Variants in IPO11 observed in about 807,000 individuals in gnomAD.
IPO11 encodes the protein importin 11, also known as importin-11.
In IPO11, 66 loss-of-function variants were observed where a neutral mutation model predicts 143.2. The observed-to-expected ratio is 0.46, with a 90% CI of 0.38 to 0.57. The LOEUF (loss-of-function observed/expected upper bound fraction) is 0.57. Among genes scored for constraint, IPO11 ranks in the 20% least tolerant of loss-of-function variants. The pLI, the probability that IPO11 is intolerant of heterozygous loss-of-function variation, is 0.00. For missense variants in IPO11, 1,026 were observed against 1,141.0 expected, an observed-to-expected ratio of 0.90 and a Z score of 1.45; for synonymous variants, 385 against 377.8, an observed-to-expected ratio of 1.02 and a Z score of -0.22.
intron 19 of IPO11, among the ~76,000 whole-genome samples, chr5:62,508,715 C>A (rs1445833066): frequency 2.0e-5 from 3 of 149,468 alleles, no homozygotes; most frequent in African/African-American, 7.4e-5. Context: ...TTGACAGTTA[C>A]ATTAGGTATT....
At chr5:62,506,722 T>G (rs1011342494) in intron 19 of IPO11, among the ~76,000 whole-genome samples, 1 of 152,160 alleles carries the variant, frequency 6.6e-6, no homozygotes, top group African/African-American at 2.4e-5. Flanking sequence ...TTAAGTATTT[T>G]TTGCAGTCTG....
At chr5:62,582,822 G>A (rs1744618494) in intron 27 of IPO11, among the ~76,000 whole-genome samples, 1 of 152,122 alleles carries the variant, frequency 6.6e-6, no homozygotes, top group African/African-American at 2.4e-5. Context: ...CAGAATATTA[G>A]GGATTATAGT....
intron 2 of IPO11, among the ~76,000 whole-genome samples, chr5:62,439,868 T>C (rs1744401545): frequency 6.6e-6 from 1 of 152,188 alleles, no homozygotes; most frequent in African/African-American, 2.4e-5. Context: ...GAGACTCCTG[T>C]ATTTGTATAC....
chr5:62,483,950 TA>T, intron 10 of IPO11, 59 bp from the exon 11 acceptor site: 1 of 1,374,076 alleles, frequency 7.3e-7, no homozygotes, highest in Non-Finnish European at 1.0e-6. Context: ...TTAAGTTACA[TA>T]ATCCAATGTA....
intron 29 of IPO11, among the ~76,000 whole-genome samples, chr5:62,618,517 C>G (rs1166839150): frequency 6.6e-6 from 1 of 150,608 alleles, no homozygotes; most frequent in African/African-American, 2.5e-5. Context: ...TTTGCTTGTT[C>G]TTCTTCTTAA....
chr5:62,494,204 T>C, intron 16 of IPO11, 80 bp downstream of exon 16: 1 of 1,309,784 alleles, frequency 7.6e-7, no homozygotes, highest in Non-Finnish European at 1.0e-6. Flanking sequence ...ACAGTTTATG[T>C]CTTTTCTTTA....
chr5:62,627,221 A>T lies in IPO11; in HGVS notation c.2831A>T (p.Gln944Leu), dbSNP rs1176904629. 1.2e-6 allele frequency: 2 copies of T among 1,614,192 alleles called. No individual in the cohort carries two copies. Among genetic ancestry groups the T allele is most frequent in the African/African-American group, 2.7e-5 (2 of 75,064 alleles). ...QQFIYEKLKA[Q>L]QEMLGEQGFQ... is the part of the protein sequence containing the mutation. ...TTCATCTACGAGAAGCTCAAGGCAC[A>T]GCAGGAGATGCTAGGAGAACAAGGT... is the stretch of plus-strand genomic sequence containing the variant. Residue 944 changes from glutamine to leucine, a missense_variant, in exon 30 of 30, where the codon CAG becomes CTG. Physicochemically the swap from Gln to Leu is moderately radical, Grantham distance 113 (BLOSUM62 -2). This residue lies in a region of IPO11 where 351 missense variants were observed against 358.9 expected (regional missense o/e 0.98). Coordinates refer to ENST00000325324, the MANE Select transcript of IPO11 (RefSeq NM_016338.5).
At chr5:62,430,949 A>G (rs1470436309) in intron 1 of IPO11, among the ~76,000 whole-genome samples, 1 of 151,774 alleles carries the variant, frequency 6.6e-6, no homozygotes, top group African/African-American at 2.4e-5. Context: ...AAATGCTATT[A>G]CAGGTGTGAG....
chr5:62,509,153 G>T (rs1000322802), intron 19 of IPO11, among the ~76,000 whole-genome samples: 1 of 152,076 alleles, frequency 6.6e-6, no homozygotes, highest in East Asian at 1.9e-4. Flanking sequence ...CTAGTGCAGA[G>T]ATCTTATAAA....
intron 22 of IPO11, among the ~76,000 whole-genome samples, chr5:62,534,825 G>A (rs1441001094): frequency 3.3e-5 from 5 of 151,986 alleles, no homozygotes; most frequent in East Asian, 1.9e-4. Context: ...CCCTGACTGC[G>A]AACCATAGAC....
chr5:62,415,713 C>T (rs147173847), intron 1 of IPO11, among the ~76,000 whole-genome samples: 3 of 152,160 alleles, frequency 2.0e-5, no homozygotes, highest in African/African-American at 7.2e-5. Context: ...GGTGATCCCC[C>T]TGCCTCAGCC....
At chr5:62,499,068 C>T (rs1741252701) in intron 16 of IPO11, among the ~76,000 whole-genome samples, 1 of 151,946 alleles carries the variant, frequency 6.6e-6, no homozygotes, top group East Asian at 1.9e-4. Context: ...AAGAAATGGC[C>T]GTCTTCATGG....
chr5:62,472,480 G>T (rs115085850), intron 7 of IPO11, among the ~76,000 whole-genome samples: 344 of 151,270 alleles, frequency 2.3e-3, no homozygotes, highest in African/African-American at 8.1e-3. Context: ...GTCAATTAGA[G>T]GATAAAATGT....
chr5:62,493,366 C>CTGTTTT (rs1198918378), intron 15 of IPO11, among the ~76,000 whole-genome samples: 11 of 152,190 alleles, frequency 7.2e-5, no homozygotes, highest in East Asian at 3.9e-4. Flanking sequence ...GGCATTGCCA[C>CTGTTTT]TGTTTTTGGT....
At chr5:62,507,187 T>G (rs1253528218) in intron 19 of IPO11, among the ~76,000 whole-genome samples, 2 of 152,174 alleles carry the variant, frequency 1.3e-5, no homozygotes, top group Non-Finnish European at 2.9e-5. Flanking sequence ...TCTCAAACAA[T>G]TTGAGACTTG....
chr5:62,563,061 G>C (rs1223350409), intron 27 of IPO11, among the ~76,000 whole-genome samples: 1 of 152,178 alleles, frequency 6.6e-6, no homozygotes, highest in Non-Finnish European at 1.5e-5. Flanking sequence ...TAACCACCAG[G>C]TGATATTGCT....
intron 8 of IPO11, among the ~76,000 whole-genome samples, chr5:62,474,887 G>C (rs966614525): frequency 6.6e-6 from 1 of 152,134 alleles, no homozygotes. Flanking sequence ...GGTATTTGCT[G>C]GACAAAGGGA....
rs746505552 is a variant in IPO11, at chr5:62,627,130, C to T, written c.2764-24C>T. On this transcript the variant is annotated intron_variant, in intron 29 of 29. Transcript: ENST00000325324. Reference sequence around the variant, plus strand: ...AGACTTGTTTTGCTTTTTTGACAGTCTTGCTCCTCTCTGTATCCCACAGCT... The same window carrying T: ...AGACTTGTTTTGCTTTTTTGACAGTTTTGCTCCTCTCTGTATCCCACAGCT... 9 of 1,602,910 alleles carry T rather than the reference C, an allele frequency of 5.6e-6. No homozygotes were observed. The African/African-American group carries it at 1.2e-4, about 21-fold the overall frequency.
intron 24 of IPO11, among the ~76,000 whole-genome samples, chr5:62,543,242 T>C (rs1443516224): frequency 1.3e-5 from 2 of 152,080 alleles, no homozygotes; most frequent in Non-Finnish European, 2.9e-5. Context: ...AAGAACACAG[T>C]CTGTTTCAGA....
Sources: gnomAD v4.1 joint callset for allele counts (sites outside exome capture counted in the v4.1 genomes callset) on GRCh38, gnomAD v4.1.1 for gene constraint, gnomAD v4.1.1 regional missense constraint, MANE v1.5 for transcripts, NCBI Gene and HGNC (gene_info 2026-07-23, HGNC 2026-07-21) for gene names.